The following UCKL1 variants were observed in gnomAD, a reference collection of about 807,000 sequenced individuals.
UCKL1 encodes the protein uridine-cytidine kinase 1 like 1.
UCKL1 carries 65 observed loss-of-function variants against 59.2 expected under a neutral mutation model. That is an observed-to-expected ratio of 1.10 (90% CI 0.90 to 1.35). The LOEUF (loss-of-function observed/expected upper bound fraction) is 1.35, where lower values mean the gene tolerates loss of function less well. UCKL1 is among the 40% of genes most tolerant of loss of function. The probability of loss-of-function intolerance (pLI) is 0.00; values close to 1 mark genes in which losing one functional copy is unlikely to be tolerated. For missense variants in UCKL1, 703 were observed against 784.3 expected, an observed-to-expected ratio of 0.90 and a Z score of 1.24; for synonymous variants, 410 against 323.1, an observed-to-expected ratio of 1.27 and a Z score of -2.88.
At chr20:63,948,006 G>A (rs553776574) in intron 1 of UCKL1, among the ~76,000 whole-genome samples, 22 of 152,224 alleles carry the variant, frequency 1.4e-4, no homozygotes, top group Admixed American at 7.2e-4. Flanking sequence ...GGTTGGGGGG[G>A]CATCAACGTG....
intron 1 of UCKL1, among the ~76,000 whole-genome samples, chr20:63,949,079 G>A (rs933718825): frequency 2.6e-5 from 4 of 152,166 alleles, no homozygotes; most frequent in Non-Finnish European, 5.9e-5. Flanking sequence ...TGCACCTGAC[G>A]GGGAAAACGC....
Position 63,956,244 on chromosome 20 carries a change from C to T in UCKL1, c.113+16G>A. The T allele has an allele frequency of 6.6e-7, 1 of 1,515,780 alleles. No individual in the cohort carries two copies. The highest frequency in any genetic ancestry group is 8.8e-7 in the Non-Finnish European group (1 of 1,134,130). The allele number at this position is 1,515,780 out of a possible 1,614,324, so 93.9% of individuals were successfully genotyped here. A position where few individuals can be genotyped will look rare whatever the true frequency, so the allele number is the denominator to read the frequency against. On this transcript the variant is annotated intron_variant, in intron 1 of 14. Coordinates refer to ENST00000354216, the MANE Select transcript of UCKL1 (RefSeq NM_017859.4). ...TTCCCGCTCGCCAGTGGAGTGGAGG[C>T]GAGGCCCACGCCTACCGGTCCTCGC...
At chr20:63,944,891 G>T (rs1348737078) in intron 5 of UCKL1, among the ~76,000 whole-genome samples, 157 bp from the exon 6 acceptor site, 1 of 151,600 alleles carries the variant, frequency 6.6e-6, no homozygotes, top group East Asian at 1.9e-4. Flanking sequence ...GGAGGTGGGG[G>T]TGTCTGCACC....
At chr20:63,941,899 G>A (rs1303175898) in intron 8 of UCKL1, among the ~76,000 whole-genome samples, 7 of 151,428 alleles carry the variant, frequency 4.6e-5, no homozygotes, top group African/African-American at 4.9e-5. Context: ...GCAGGAAGAG[G>A]AAAGCGACAG....
intron 1 of UCKL1, among the ~76,000 whole-genome samples, chr20:63,948,652 G>GAGGGGGCGTGTGTGAGAGGC (rs2057020455): frequency 1.2e-5 from 1 of 82,352 alleles, no homozygotes; most frequent in Non-Finnish European, 2.6e-5. Flanking sequence ...GTGTGAGAGG[G>GAGGGGGCGTGTGTGAGAGGC]AGGGGCGTGT....
Position 63,946,150 on chromosome 20 carries a change from C to T in UCKL1, c.411+11G>A, listed in dbSNP as rs369011328. The T allele has an allele frequency of 6.6e-5, 106 of 1,611,304 alleles. No individual in the cohort carries two copies. The highest frequency in any genetic ancestry group is 5.1e-4 in the East Asian group (23 of 44,830). On this transcript the variant is annotated intron_variant, in intron 3 of 14. Coordinates refer to ENST00000354216, the MANE Select transcript of UCKL1 (RefSeq NM_017859.4). ...CAAAGGGGTCCTCGGGGGAGCTGGG[C>T]GGGGGCCCACCTTGTAGAAGGAGTC...
intron 1 of UCKL1, among the ~76,000 whole-genome samples, chr20:63,949,501 A>G (rs1192073866): frequency 6.6e-6 from 1 of 152,184 alleles, no homozygotes; most frequent in Non-Finnish European, 1.5e-5. Context: ...CCAACGCACC[A>G]GCAGTAAACA....
intron 8 of UCKL1, chr20:63,941,656 C>A: frequency 4.6e-6 from 1 of 217,744 alleles, no homozygotes; most frequent in Non-Finnish European, 1.0e-5. Flanking sequence ...AGGTGGTGCG[C>A]GGCCCCTCAA....
intron 8 of UCKL1, chr20:63,942,684 T>C: frequency 2.0e-6 from 1 of 502,596 alleles, no homozygotes; most frequent in Non-Finnish European, 4.1e-6. Context: ...CAAGGCTTCC[T>C]GGGGCTGAAG....
intron 1 of UCKL1, 84 bp downstream of exon 1, chr20:63,956,176 C>G: frequency 1.6e-6 from 2 of 1,265,224 alleles, no homozygotes; most frequent in South Asian, 3.3e-5. Context: ...GGGCTCGCGG[C>G]GGGGACGGAC....
At position 63,941,123 on chromosome 20, in the gene UCKL1, G is replaced by GC. The variant is rs1030771070; in HGVS notation, c.1008dup (p.His337AlafsTer68). On this transcript the variant is annotated frameshift_variant, in exon 9 of 15. Transcript: ENST00000354216. LOFTEE classifies it high-confidence loss of function. ...GTGGGCCCTCACCTGATGATGGTGT[G>GC]CATGCCCCGTACCTGCGGCGTGCTC... 2 of 1,597,578 alleles carry GC rather than the reference G, an allele frequency of 1.3e-6. No homozygotes were observed. The highest frequency in any genetic ancestry group is 1.7e-5 in the Admixed American group (1 of 58,382).
chr20:63,945,725 G>A lies in UCKL1; in HGVS notation c.583-3C>T. The stretch of plus-strand genomic sequence containing the variant: ...ACGTTTGCACCATACAGTGTTTTCT[G>A]TGAAGAAACCCAGGAGTTGCGGAGC... On this transcript the variant is annotated splice_polypyrimidine_tract_variant and splice_region_variant and intron_variant, in intron 4 of 14. Coordinates refer to ENST00000354216, the MANE Select transcript of UCKL1 (RefSeq NM_017859.4). 5.0e-6 allele frequency: 8 copies of A among 1,612,976 alleles called. No individual in the cohort carries two copies. Among genetic ancestry groups the A allele is most frequent in the Admixed American group, 1.7e-5 (1 of 60,016 alleles).
At chr20:63,941,307 G>T (rs2054324181) in intron 8 of UCKL1, 99 bp from the exon 9 acceptor site, 4 of 1,447,092 alleles carry the variant, frequency 2.8e-6, no homozygotes, top group Middle Eastern at 4.1e-4. Flanking sequence ...GGGAACACAC[G>T]GGCCAGGCAC....
At chr20:63,954,887 C>G (rs2058314799) in intron 1 of UCKL1, 1 of 152,236 alleles carries the variant, frequency 6.6e-6, no homozygotes, top group Non-Finnish European at 1.5e-5. Flanking sequence ...CTGTGTCATC[C>G]AGGAGTGCCT....
intron 8 of UCKL1, chr20:63,941,536 G>A (rs1305668272): frequency 5.6e-6 from 2 of 359,990 alleles, no homozygotes; most frequent in South Asian, 5.6e-5. Context: ...CACAGGGCGG[G>A]CTCACACGTG....
rs1447304599 is a variant in UCKL1, at chr20:63,940,211, T to A, written c.1506A>T (p.Arg502Ser). Residue 502 changes from arginine to serine, a missense_variant, in exon 14 of 15, where the codon AGA becomes AGT. Around this residue, in one of 4 missense-constraint regions of UCKL1, gnomAD observed 124 missense variants for 161.1 expected, o/e 0.77. Transcript: ENST00000354216. ...HSVAYAFPRV[R>S]IITTAVDKRV... ...GCTTGTCCACCGCCGTGGTGATGAT[T>A]CTCACTCGCGGAAATGCATAGGCCA... 2 of 1,612,756 alleles carry A rather than the reference T, an allele frequency of 1.2e-6. No homozygotes were observed. The highest frequency in any genetic ancestry group is 1.7e-6 in the Non-Finnish European group (2 of 1,179,980).
rs374462270 is a variant in UCKL1 at position 63,946,441 on chromosome 20, C to G, written c.304+12G>C. On this transcript the variant is annotated intron_variant, in intron 2 of 14. Coordinates refer to ENST00000354216, the MANE Select transcript of UCKL1 (RefSeq NM_017859.4). ...CGTCCGGCAGCAGGTCCCACCCCCC[C>G]GCTGCTCTCACCGATGGCGAAGGCC... 6.5e-6 allele frequency: 10 copies of G among 1,540,656 alleles called. No homozygotes were observed. In the Admixed American group the frequency reaches 9.6e-5, roughly 15 times the overall value.
At chr20:63,947,939 A>C (rs757389361) in intron 1 of UCKL1, among the ~76,000 whole-genome samples, 3 of 151,938 alleles carry the variant, frequency 2.0e-5, no homozygotes, top group African/African-American at 2.4e-5. Flanking sequence ...CTGGCCATGG[A>C]GCCCTGGGAG....
At position 63,940,213 on chromosome 20, in the gene UCKL1, T is replaced by C. The variant is rs150085625; in HGVS notation, c.1504A>G (p.Arg502Gly). The C allele has an allele frequency of 6.2e-7, 1 of 1,612,674 alleles. No individual in the cohort carries two copies. The highest frequency in any genetic ancestry group is 8.5e-7 in the Non-Finnish European group (1 of 1,179,996). ...HSVAYAFPRV[R>G]IITTAVDKRV... is the part of the protein sequence containing the mutation. ...TTGTCCACCGCCGTGGTGATGATTC[T>C]CACTCGCGGAAATGCATAGGCCACT... The change falls in exon 14 of 15, where the codon AGA (arginine) becomes GGA (glycine). Residue 502 changes from arginine (R) to glycine (G), a missense_variant. Around this residue, in one of 4 missense-constraint regions of UCKL1, gnomAD observed 124 missense variants for 161.1 expected, o/e 0.77. Transcript: ENST00000354216.
Sources: allele counts gnomAD v4.1 joint callset (sites outside exome capture counted in the v4.1 genomes callset), GRCh38; gene constraint gnomAD v4.1.1; regional missense constraint gnomAD v4.1.1; transcripts MANE v1.5; gene names NCBI Gene and HGNC (gene_info 2026-07-23, HGNC 2026-07-21).